The following CACNB2 variants were observed in gnomAD, a reference collection of about 807,000 sequenced individuals.
The protein encoded by CACNB2 is calcium voltage-gated channel auxiliary subunit beta 2, also known as voltage-dependent L-type calcium channel subunit beta-2.
CACNB2 carries 42 observed loss-of-function variants against 73.3 expected under a neutral mutation model. The observed-to-expected ratio is 0.57, with a 90% CI of 0.45 to 0.74. The LOEUF is 0.74. Among genes scored for constraint, CACNB2 ranks in the 30% least tolerant of loss-of-function variants. CACNB2 has a pLI of 0.00. For synonymous variants in CACNB2, 348 were observed against 310.3 expected, an observed-to-expected ratio of 1.12 and a Z score of -1.28; for missense variants, 940 against 853.0, an observed-to-expected ratio of 1.10 and a Z score of -1.27.
chr10:18,282,669 A>G (rs1263361162), intron 2 of CACNB2, among the ~76,000 whole-genome samples: 1 of 152,200 alleles, frequency 6.6e-6, no homozygotes, highest in Non-Finnish European at 1.5e-5. Context: ...AAAGGCTTAT[A>G]TTGACTGGAC....
chr10:18,255,267 G>GGGCCTTCTCC (rs1284135077), intron 2 of CACNB2, among the ~76,000 whole-genome samples: 4 of 152,020 alleles, frequency 2.6e-5, no homozygotes, highest in Non-Finnish European at 5.9e-5. Context: ...TTCTCCAACT[G>GGGCCTTCTCC]CTTAAGCTGG....
intron 2 of CACNB2, among the ~76,000 whole-genome samples, chr10:18,383,352 A>T (rs1201081637): frequency 6.6e-6 from 1 of 152,224 alleles, no homozygotes; most frequent in East Asian, 1.9e-4. Flanking sequence ...CCACTGGAAT[A>T]TAGAGGGGCT....
At chr10:18,387,817 T>C (rs1233534513) in intron 2 of CACNB2, among the ~76,000 whole-genome samples, 2 of 151,770 alleles carry the variant, frequency 1.3e-5, no homozygotes, top group East Asian at 3.9e-4. Context: ...GGTGCAGTGG[T>C]ACAATCAAGG....
At chr10:18,342,173 A>G (rs2041259870) in intron 2 of CACNB2, among the ~76,000 whole-genome samples, 1 of 152,120 alleles carries the variant, frequency 6.6e-6, no homozygotes, top group African/African-American at 2.4e-5. Context: ...TAACTGCTAT[A>G]TTTTTTCCTG....
intron 2 of CACNB2, among the ~76,000 whole-genome samples, chr10:18,379,613 C>T (rs1010296171): frequency 6.6e-6 from 1 of 152,126 alleles, no homozygotes; most frequent in African/African-American, 2.4e-5. Context: ...TTTCGTCTTT[C>T]CTGGCTGAAA....
In CACNB2 at chr10:18,210,541, A is replaced by G. The variant is rs1343340929; in HGVS notation, c.213+59566A>G. Among the ~76,000 whole-genome samples the G allele has an allele frequency of 2.0e-5, 3 of 152,028 alleles. No homozygotes were observed. The East Asian group carries it at 5.8e-4, about 29-fold the overall frequency. ...TAAGAACCCAGGGATTAGGGAGAAGACCTGGTTGGATTGCTGGTTCTGCCA... is the reference window on the plus strand; with the variant it reads ...TAAGAACCCAGGGATTAGGGAGAAGGCCTGGTTGGATTGCTGGTTCTGCCA... On this transcript the variant is annotated intron_variant, in intron 2 of 13. Coordinates refer to ENST00000324631, the MANE Select transcript of CACNB2 (RefSeq NM_201596.3).
At chr10:18,368,481 C>T (rs2042445067) in intron 2 of CACNB2, among the ~76,000 whole-genome samples, 1 of 152,104 alleles carries the variant, frequency 6.6e-6, no homozygotes, top group Non-Finnish European at 1.5e-5. Flanking sequence ...ATTTTTATTG[C>T]CTGCATCACA....
intron 3 of CACNB2, among the ~76,000 whole-genome samples, chr10:18,475,680 A>G (rs1589465984): frequency 6.6e-6 from 1 of 152,094 alleles, no homozygotes; most frequent in East Asian, 1.9e-4. Flanking sequence ...AGAACTCAAG[A>G]TTGGTTAGGA....
chr10:18,301,900 G>A (rs1362525965), intron 2 of CACNB2, among the ~76,000 whole-genome samples: 1 of 151,842 alleles, frequency 6.6e-6, no homozygotes, highest in Non-Finnish European at 1.5e-5. Context: ...TCCCACCTTG[G>A]CCCCCCAGGG....
chr10:18,271,118 A>G (rs1301405579), intron 2 of CACNB2, among the ~76,000 whole-genome samples: 2 of 152,248 alleles, frequency 1.3e-5, no homozygotes, highest in East Asian at 1.9e-4. Context: ...TTGTGATGGT[A>G]TAAGTGTTCC....
chr10:18,323,502 T>C (rs1448285874), intron 2 of CACNB2, among the ~76,000 whole-genome samples: 5 of 152,176 alleles, frequency 3.3e-5, no homozygotes, highest in Non-Finnish European at 7.3e-5. Context: ...ACATTTAGTC[T>C]GTTTTTTAAT....
chr10:18,393,758 C>A (rs80127952), intron 2 of CACNB2, among the ~76,000 whole-genome samples: 8 of 152,062 alleles, frequency 5.3e-5, no homozygotes, highest in Admixed American at 4.6e-4. Flanking sequence ...TATTGTTTTC[C>A]GATTCTAATC....
chr10:18,514,087 T>C (rs2051038012), intron 6 of CACNB2, 149 bp from the exon 7 acceptor site: 3 of 707,868 alleles, frequency 4.2e-6, no homozygotes, highest in Admixed American at 2.5e-5. Flanking sequence ...TAATGTGCCT[T>C]ACCTTTAAAT....
intron 3 of CACNB2, among the ~76,000 whole-genome samples, chr10:18,467,149 G>A (rs975220324): frequency 4.6e-5 from 7 of 152,144 alleles, no homozygotes; most frequent in South Asian, 2.1e-4. Flanking sequence ...GCAAGACTCT[G>A]TGTTTGTTAA....
intron 2 of CACNB2, among the ~76,000 whole-genome samples, chr10:18,397,720 C>CAAAAAAAAAAA (rs10581390): frequency 1.1e-5 from 1 of 91,768 alleles, no homozygotes; most frequent in African/African-American, 4.4e-5. Flanking sequence ...GACTCCGTCT[C>CAAAAAAAAAAA]AAAAAAAAAA....
chr10:18,401,790 C>T, intron 2 of CACNB2, 134 bp from the exon 3 acceptor site: 1 of 883,156 alleles, frequency 1.1e-6, no homozygotes, highest in Middle Eastern at 2.7e-4. Context: ...TAGGTTGCTG[C>T]AAAATGAATT....
At chr10:18,449,990 G>A (rs1321788062) in intron 3 of CACNB2, among the ~76,000 whole-genome samples, 1 of 152,196 alleles carries the variant, frequency 6.6e-6, no homozygotes, top group Non-Finnish European at 1.5e-5. Context: ...CGGGGCTGGC[G>A]GCATGAGGCA....
At chr10:18,424,437 AC>A (rs2045492284) in intron 3 of CACNB2, among the ~76,000 whole-genome samples, 1 of 152,030 alleles carries the variant, frequency 6.6e-6, no homozygotes, top group African/African-American at 2.4e-5. Flanking sequence ...AGGTGTGGTA[AC>A]GCCTGGGTGT....
At chr10:18,416,662 A>C (rs1314812492) in intron 3 of CACNB2, among the ~76,000 whole-genome samples, 1 of 152,218 alleles carries the variant, frequency 6.6e-6, no homozygotes. Context: ...TCCACCAGCC[A>C]CAGCCTCCCG....
Sources: gnomAD v4.1 joint callset for allele counts (sites outside exome capture counted in the v4.1 genomes callset) on GRCh38, gnomAD v4.1.1 for gene constraint, MANE v1.5 for transcripts, NCBI Gene and HGNC (gene_info 2026-07-23, HGNC 2026-07-21) for gene names.